ERBB4: variants seen among roughly 807,000 people sequenced by gnomAD.
The protein encoded by ERBB4 is receptor tyrosine-protein kinase erbB-4.
Under a neutral mutation model 158.0 loss-of-function variants are expected in ERBB4, and 42 were observed. The observed-to-expected ratio is 0.27, with a 90% CI of 0.21 to 0.34. The LOEUF (loss-of-function observed/expected upper bound fraction) is 0.34. ERBB4 is among the 10% of genes least tolerant of loss of function. The pLI is 1.00. For synonymous variants in ERBB4, 583 were observed against 558.7 expected, an observed-to-expected ratio of 1.04 and a Z score of -0.61; for missense variants, 1,333 against 1,624.1, an observed-to-expected ratio of 0.82 and a Z score of 3.08.
At chr2:211,480,430 T>C (rs1000319696) in intron 20 of ERBB4, among the ~76,000 whole-genome samples, 1 of 152,132 alleles carries the variant, frequency 6.6e-6, no homozygotes, top group Admixed American at 6.5e-5. Context: ...TAGATCTGGT[T>C]GTTTGAAAGT....
intron 1 of ERBB4, among the ~76,000 whole-genome samples, chr2:212,531,577 G>T (rs1274114585): frequency 2.0e-5 from 3 of 152,118 alleles, no homozygotes; most frequent in Non-Finnish European, 4.4e-5. Flanking sequence ...GGATTTCCTG[G>T]TTAAAGGTCT....
At chr2:212,534,655 G>C (rs186232961) in intron 1 of ERBB4, among the ~76,000 whole-genome samples, 1,746 of 152,246 alleles carry the variant, frequency 0.011, 15 homozygotes, top group Middle Eastern at 0.041. Flanking sequence ...TGGCGGAAGG[G>C]AAAATATATA....
At chr2:212,079,399 C>A (rs958250417) in intron 2 of ERBB4, among the ~76,000 whole-genome samples, 2 of 151,944 alleles carry the variant, frequency 1.3e-5, no homozygotes, top group Admixed American at 6.6e-5. Flanking sequence ...TATATCCTAC[C>A]AAAACTGTTG....
rs1259785478 is a variant in ERBB4, at chr2:212,384,896, T to C, written c.82+153553A>G. Among the ~76,000 whole-genome samples the C allele has an allele frequency of 5.3e-5, 7 of 132,562 alleles. No individual in the cohort carries two copies. The East Asian group carries it at 1.4e-3, about 27-fold the overall frequency. The allele number at this position is 132,562 out of a possible 152,430, so 87.0% of individuals were successfully genotyped here. A position where few individuals can be genotyped will look rare whatever the true frequency, so the allele number is the denominator to read the frequency against. On this transcript the variant is annotated intron_variant, in intron 1 of 27. Coordinates refer to ENST00000342788, the MANE Select transcript of ERBB4 (RefSeq NM_005235.3). ...TTAAATTCCATGTTTGTGGAATATATATATATATATATATATATATATATA... is the reference window on the plus strand; with the variant it reads ...TTAAATTCCATGTTTGTGGAATATACATATATATATATATATATATATATA...
In ERBB4 at chr2:212,384,890, AATATATATATATAT is replaced by A. The variant is rs67216333; in HGVS notation, c.82+153545_82+153558del. Among the ~76,000 whole-genome samples, 10 of 123,188 alleles carry A rather than the reference AATATATATATATAT, an allele frequency of 8.1e-5. No individual in the cohort carries two copies. In the East Asian group the frequency reaches 2.1e-3, roughly 26 times the overall value. 80.8% of individuals were successfully genotyped at this position (123,188 alleles called of 152,430 possible). ...TTGTTCTTAAATTCCATGTTTGTGG[AATATATATATATAT>A]ATATATATATATATATACACACACA... On this transcript the variant is annotated intron_variant, in intron 1 of 27. Coordinates refer to ENST00000342788, the MANE Select transcript of ERBB4 (RefSeq NM_005235.3).
At chr2:212,098,340 C>A (rs1482231519) in intron 2 of ERBB4, among the ~76,000 whole-genome samples, 8 of 152,102 alleles carry the variant, frequency 5.3e-5, no homozygotes, top group Non-Finnish European at 1.0e-4. Flanking sequence ...AGGTTTTAGA[C>A]AAAGATAATC....
At chr2:212,078,878 T>G in intron 2 of ERBB4, among the ~76,000 whole-genome samples, 1 of 151,312 alleles carries the variant, frequency 6.6e-6, no homozygotes, top group Middle Eastern at 3.5e-3. Flanking sequence ...ATATTTTTAG[T>G]ATAATATTAA....
chr2:212,383,266 C>A (rs553106644), intron 1 of ERBB4, among the ~76,000 whole-genome samples: 2 of 151,334 alleles, frequency 1.3e-5, no homozygotes, highest in Non-Finnish European at 3.0e-5. Context: ...TACCTACACC[C>A]TACAATTGGT....
chr2:212,291,711 T>C (rs2086212713), intron 1 of ERBB4, among the ~76,000 whole-genome samples: 1 of 152,080 alleles, frequency 6.6e-6, no homozygotes, highest in Non-Finnish European at 1.5e-5. Flanking sequence ...TTTTCTGAGT[T>C]ACAAAGTCTG....
At chr2:211,661,762 G>A (rs758336282) in intron 15 of ERBB4, among the ~76,000 whole-genome samples, 1 of 151,990 alleles carries the variant, frequency 6.6e-6, no homozygotes, top group Admixed American at 6.6e-5. Context: ...AGGTACGGCC[G>A]GGCGCGGTGG....
At chr2:211,660,942 A>C (rs2071401294) in intron 15 of ERBB4, among the ~76,000 whole-genome samples, 1 of 152,186 alleles carries the variant, frequency 6.6e-6, no homozygotes, top group Non-Finnish European at 1.5e-5. Flanking sequence ...AAGTCTGGTA[A>C]AATAACTCTT....
chr2:211,504,227 TCAC>T lies in ERBB4; in HGVS notation c.2487+57673_2487+57675del, dbSNP rs921294120. Among the ~76,000 whole-genome samples, 11 of 152,084 alleles carry T rather than the reference TCAC, an allele frequency of 7.2e-5. No individual in the cohort carries two copies. In the East Asian group the frequency reaches 1.6e-3, roughly 21 times the overall value. On this transcript the variant is annotated intron_variant, in intron 20 of 27. Coordinates refer to ENST00000342788, the MANE Select transcript of ERBB4 (RefSeq NM_005235.3). Reference sequence around the variant, plus strand: ...GAGAAATAAGATAAGGCTCCCAAGATCACCACATCTCCATCCTCTGTACTAGAC... The same window carrying T: ...GAGAAATAAGATAAGGCTCCCAAGATCACATCTCCATCCTCTGTACTAGAC...
intron 1 of ERBB4, among the ~76,000 whole-genome samples, chr2:212,505,069 C>G (rs1691113697): frequency 6.6e-6 from 1 of 151,724 alleles, no homozygotes; most frequent in Admixed American, 6.6e-5. Flanking sequence ...GTTTCTTACT[C>G]TTGCTTTTGT....
At chr2:212,061,047 T>C (rs1310742430) in intron 2 of ERBB4, among the ~76,000 whole-genome samples, 1 of 151,842 alleles carries the variant, frequency 6.6e-6, no homozygotes, top group Non-Finnish European at 1.5e-5. Context: ...TTGAGGTCAC[T>C]TAAAAGTAAT....
At position 212,487,911 on chromosome 2, in the gene ERBB4, C is replaced by A. The variant is rs934949931; in HGVS notation, c.82+50538G>T. On this transcript the variant is annotated intron_variant, in intron 1 of 27. Coordinates refer to ENST00000342788, the MANE Select transcript of ERBB4 (RefSeq NM_005235.3). ...TGCTCCACTTACTTTCTAGCTTCCT[C>A]AAATTTTTCATACTTTGTGTCTCTA... is the stretch of plus-strand genomic sequence containing the variant. Among the ~76,000 whole-genome samples the A allele has an allele frequency of 1.3e-4, 20 of 152,098 alleles. 1 individual carries two copies. The highest frequency in any genetic ancestry group is 8.8e-5 in the Non-Finnish European group (6 of 68,000).
At chr2:212,193,391 T>C (rs950783859) in intron 1 of ERBB4, among the ~76,000 whole-genome samples, 2 of 152,088 alleles carry the variant, frequency 1.3e-5, no homozygotes, top group Non-Finnish European at 2.9e-5. Context: ...AAGTATTTAA[T>C]TAAAGGTAGA....
In ERBB4 at chr2:211,665,346, T is replaced by C. The variant is rs1386119472; in HGVS notation, c.1848A>G (p.Pro616=). The C allele has an allele frequency of 6.2e-7, 1 of 1,614,150 alleles. No individual in the cohort carries two copies. The highest frequency in any genetic ancestry group is 8.5e-7 in the Non-Finnish European group (1 of 1,180,012). The change falls in exon 15 of 28, where the codon CCA becomes CCG. Residue 616 remains proline, a synonymous_variant. Transcript: ENST00000342788. Reference sequence around the variant, plus strand: ...ACCCTTGGGTGCAGTTTGGATGGCATGGGTGGCACTCCCGATCTGGATCAG... The same window carrying C: ...ACCCTTGGGTGCAGTTTGGATGGCACGGGTGGCACTCCCGATCTGGATCAG... The part of the protein sequence containing the change: ...KYADPDRECH[P]CHPNCTQGCN...
intron 16 of ERBB4, among the ~76,000 whole-genome samples, chr2:211,653,678 T>G (rs1453873974): frequency 6.6e-6 from 1 of 150,780 alleles, no homozygotes; most frequent in Non-Finnish European, 1.5e-5. Context: ...TTTTCTTTTT[T>G]GGGGGGGTTT....
chr2:211,500,737 G>T (rs1290589672), intron 20 of ERBB4, among the ~76,000 whole-genome samples: 1 of 151,722 alleles, frequency 6.6e-6, no homozygotes. Context: ...TTTTTTGTGG[G>T]TTAGTGCTTC....
Sources: gnomAD v4.1 joint callset for allele counts (sites outside exome capture counted in the v4.1 genomes callset) on GRCh38, gnomAD v4.1.1 for gene constraint, MANE v1.5 for transcripts, NCBI Gene and HGNC (gene_info 2026-07-23, HGNC 2026-07-21) for gene names.